Variants in SLC27A1 observed in about 807,000 individuals in gnomAD.
The protein encoded by SLC27A1 is solute carrier family 27 member 1.
In SLC27A1, 61 loss-of-function variants were observed where a neutral mutation model predicts 62.2. The observed-to-expected ratio is 0.98, with a 90% CI of 0.80 to 1.21. SLC27A1 has a LOEUF of 1.21. SLC27A1 is among the 50% of genes most tolerant of loss of function. SLC27A1 has a pLI of 0.00. For synonymous variants in SLC27A1, 435 were observed against 408.6 expected, an observed-to-expected ratio of 1.06 and a Z score of -0.78; for missense variants, 903 against 932.1, an observed-to-expected ratio of 0.97 and a Z score of 0.41.
rs2075226917 is a variant in SLC27A1, at chr19:17,486,130, C to T, written c.168-433C>T. 6.6e-6 allele frequency among the ~76,000 whole-genome samples: 1 copy of T among 152,226 alleles called. No homozygotes were observed. Among genetic ancestry groups the T allele is most frequent in the East Asian group, 1.9e-4 (1 of 5,188 alleles). ...TGCTTCAGCCATCTGTCCCTGGTGC[C>T]ACCCAGTGACCTGGGGGCAGAACAG... On this transcript the variant is annotated intron_variant, in intron 1 of 11. Coordinates refer to ENST00000252595, the MANE Select transcript of SLC27A1 (RefSeq NM_198580.3). This position sits in a 1 kb window ranked among gnomAD's most constrained non-coding sequence, Gnocchi z 6.6.
intron 4 of SLC27A1, 80 bp downstream of exon 4, chr19:17,487,609 T>C (rs932845288): frequency 7.4e-7 from 1 of 1,355,150 alleles, no homozygotes; most frequent in Non-Finnish European, 1.0e-6. Context: ...GCCCCTCAGC[T>C]CCTGTGGGCA....
chr19:17,478,466 CAA>C (rs869214050), intron 1 of SLC27A1, among the ~76,000 whole-genome samples: 13 of 48,386 alleles, frequency 2.7e-4, no homozygotes, highest in African/African-American at 7.3e-4. Flanking sequence ...GACTCCGTCT[CAA>C]AAAAAAAAAA....
intron 6 of SLC27A1, among the ~76,000 whole-genome samples, chr19:17,493,814 CG>C (rs1488245055): frequency 2.0e-4 from 30 of 151,546 alleles, no homozygotes; most frequent in African/African-American, 7.3e-4. Context: ...TTAGTAGAGA[CG>C]GGGTTTCACC....
chr19:17,487,015 C>T (rs1220350715), intron 2 of SLC27A1, 58 bp downstream of exon 2: 3 of 1,521,004 alleles, frequency 2.0e-6, no homozygotes, highest in Admixed American at 3.8e-5. Context: ...CCTGGGCGGG[C>T]GGGGAGATGC....
rs781658233 is a variant in SLC27A1, at chr19:17,488,958, G to A, written c.886+19G>A. On this transcript the variant is annotated intron_variant, in intron 5 of 11. Transcript: ENST00000252595. ...TCGGCAGGTACTACGGCCTGGGTAG[G>A]GAATGGTGGGTGGGGGCGGGGGACC... 2 of 1,614,154 alleles carry A rather than the reference G, an allele frequency of 1.2e-6. No homozygotes were observed. Among genetic ancestry groups the A allele is most frequent in the Middle Eastern group, 1.7e-4 (1 of 6,060 alleles).
At chr19:17,480,121 AGGTTCCAGT>A (rs1274667598) in intron 1 of SLC27A1, among the ~76,000 whole-genome samples, 3 of 152,014 alleles carry the variant, frequency 2.0e-5, no homozygotes, top group Admixed American at 6.6e-5. Context: ...TCCACCTCCC[AGGTTCCAGT>A]GATTCTCCTG....
intron 11 of SLC27A1, among the ~76,000 whole-genome samples, chr19:17,502,801 T>C (rs1288045356): frequency 6.6e-6 from 1 of 152,032 alleles, no homozygotes; most frequent in East Asian, 1.9e-4. Context: ...TCCTCCCACC[T>C]CAGCCTCTGG....
At chr19:17,504,065 A>G (rs761940311) in intron 11 of SLC27A1, among the ~76,000 whole-genome samples, 4 of 151,942 alleles carry the variant, frequency 2.6e-5, no homozygotes, top group Non-Finnish European at 4.4e-5. Context: ...GATTATAGGC[A>G]TGAGCCATTA....
At chr19:17,491,890 G>T (rs1330391740) in intron 6 of SLC27A1, among the ~76,000 whole-genome samples, 1 of 151,366 alleles carries the variant, frequency 6.6e-6, no homozygotes, top group Non-Finnish European at 1.5e-5. Flanking sequence ...ATAAAAAAAA[G>T]AAAAGAAAAG....
At position 17,489,054 on chromosome 19, in the gene SLC27A1, C is replaced by A; in HGVS notation, c.933C>A (p.Val311=). 1 of 1,614,142 alleles carries A rather than the reference C, an allele frequency of 6.2e-7. No homozygotes were observed. The highest frequency in any genetic ancestry group is 8.5e-7 in the Non-Finnish European group (1 of 1,180,024). ...VGQCLIYGLT[V]VLRKKFSASR... ...AGTGTCTCATCTATGGGCTGACAGT[C>A]GTCCTCCGCAAGAAATTCTCGGCCA... The change falls in exon 6 of 12, where the codon GTC becomes GTA. Residue 311 remains valine (V), a synonymous_variant. Transcript: ENST00000252595.
chr19:17,504,341 T>C (rs2075451503), intron 11 of SLC27A1, 114 bp from the exon 12 acceptor site: 2 of 1,330,770 alleles, frequency 1.5e-6, no homozygotes, highest in African/African-American at 2.9e-5. Context: ...GGAAGAACAT[T>C]CCTGCCCAGG....
chr19:17,500,703 C>A lies in SLC27A1; in HGVS notation c.1472-9C>A, dbSNP rs765830099. On this transcript the variant is annotated splice_polypyrimidine_tract_variant and intron_variant, in intron 9 of 11. Coordinates refer to ENST00000252595, the MANE Select transcript of SLC27A1 (RefSeq NM_198580.3). ...TCCTCCACCCATCTGCCCCTCTCCCCTCTGCCAGGTGACGTGCTAGTGATG... is the reference window on the plus strand; with the variant it reads ...TCCTCCACCCATCTGCCCCTCTCCCATCTGCCAGGTGACGTGCTAGTGATG... The A allele has an allele frequency of 2.4e-5, 39 of 1,614,012 alleles. No homozygotes were observed. Among genetic ancestry groups the A allele is most frequent in the Non-Finnish European group, 3.2e-5 (38 of 1,179,996 alleles).
intron 1 of SLC27A1, among the ~76,000 whole-genome samples, chr19:17,483,090 G>A (rs2075196288): frequency 1.3e-5 from 2 of 152,180 alleles, no homozygotes; most frequent in Admixed American, 6.5e-5. Context: ...ATGAGGGAAG[G>A]AGGGAATGAA....
intron 1 of SLC27A1, among the ~76,000 whole-genome samples, chr19:17,472,288 G>T (rs903024914): frequency 1.3e-5 from 2 of 151,694 alleles, no homozygotes; most frequent in South Asian, 4.2e-4. Flanking sequence ...CCAGCTACTC[G>T]GGAGGCTGAG....
intron 11 of SLC27A1, among the ~76,000 whole-genome samples, chr19:17,503,860 A>T (rs1206710690): frequency 7.9e-6 from 1 of 126,478 alleles, no homozygotes; most frequent in East Asian, 2.7e-4. Flanking sequence ...TGAATCCAGG[A>T]GGTGGAGGTT....
intron 4 of SLC27A1, among the ~76,000 whole-genome samples, chr19:17,488,552 C>G (rs937718656): frequency 6.6e-6 from 1 of 152,182 alleles, no homozygotes; most frequent in Non-Finnish European, 1.5e-5. Flanking sequence ...ATAGCTCGCC[C>G]CCACAGCTCT....
At chr19:17,499,103 T>C in intron 7 of SLC27A1, 1 of 186,212 alleles carries the variant, frequency 5.4e-6, no homozygotes, top group South Asian at 9.7e-5. Context: ...TAGAGTCTTC[T>C]CTAAACTCCC....
chr19:17,486,981 G>A lies in SLC27A1; in HGVS notation c.562+24G>A. On this transcript the variant is annotated intron_variant, in intron 2 of 11. Transcript: ENST00000252595. The surrounding 1 kb of genome is among the most constrained non-coding windows in gnomAD (Gnocchi z 6.6). ...GGGTGAGGCCAGGCGTGGGCATCAGGTGGGCGGGGACCCAGGACTGGCCCC... is the reference window on the plus strand; with the variant it reads ...GGGTGAGGCCAGGCGTGGGCATCAGATGGGCGGGGACCCAGGACTGGCCCC... The A allele has an allele frequency of 6.4e-7, 1 of 1,551,880 alleles. No individual in the cohort carries two copies. Among genetic ancestry groups the A allele is most frequent in the South Asian group, 1.2e-5 (1 of 83,172 alleles).
At chr19:17,491,910 T>A (rs1265686244) in intron 6 of SLC27A1, among the ~76,000 whole-genome samples, 2 of 151,858 alleles carry the variant, frequency 1.3e-5, no homozygotes, top group African/African-American at 4.8e-5. Context: ...GAAAAGAAAA[T>A]ATTTCATCTG....
Sources: allele counts gnomAD v4.1 joint callset (sites outside exome capture counted in the v4.1 genomes callset), GRCh38; gene constraint gnomAD v4.1.1; non-coding constraint Gnocchi (gnomAD v3.1); transcripts MANE v1.5; gene names NCBI Gene and HGNC (gene_info 2026-07-23, HGNC 2026-07-21).